The following CDH10 variants were observed in gnomAD, a reference collection of about 807,000 sequenced individuals.
CDH10 encodes cadherin 10.
In CDH10, 30 loss-of-function variants were observed where a neutral mutation model predicts 73.1. That is an observed-to-expected ratio of 0.41 (90% CI 0.31 to 0.56). CDH10 has a LOEUF of 0.56. Ranked by LOEUF, CDH10 falls within the 20% of genes least tolerant of loss-of-function variation. CDH10 has a pLI of 0.27. For synonymous variants in CDH10, 345 were observed against 348.2 expected (o/e 0.99, Z 0.10); for missense variants, 815 against 973.7 (o/e 0.84, Z 2.17).
chr5:24,538,534 C>T (rs1455063798), intron 2 of CDH10, among the ~76,000 whole-genome samples: 1 of 152,052 alleles, frequency 6.6e-6, no homozygotes. Flanking sequence ...TACACACCAT[C>T]CTAGTGCAAA....
intron 11 of CDH10, among the ~76,000 whole-genome samples, chr5:24,490,065 T>C (rs2111625709): frequency 6.6e-6 from 1 of 152,276 alleles, no homozygotes; most frequent in East Asian, 1.9e-4. Flanking sequence ...AAGGTTGTCA[T>C]GGCAAAGTGC....
intron 1 of CDH10, among the ~76,000 whole-genome samples, chr5:24,626,322 C>T (rs1047383809): frequency 6.6e-6 from 1 of 152,050 alleles, no homozygotes; most frequent in African/African-American, 2.4e-5. Context: ...TTCACCATTA[C>T]ATAATTTGAA....
chr5:24,570,343 G>A (rs1745331341), intron 2 of CDH10, among the ~76,000 whole-genome samples: 1 of 152,094 alleles, frequency 6.6e-6, no homozygotes, highest in Admixed American at 6.6e-5. Flanking sequence ...CGTTACTACA[G>A]TTGTACGAAA....
At chr5:24,585,516 A>C (rs577487828) in intron 2 of CDH10, among the ~76,000 whole-genome samples, 1 of 152,154 alleles carries the variant, frequency 6.6e-6, no homozygotes, top group African/African-American at 2.4e-5. Flanking sequence ...TCCGCCTCCC[A>C]GGTTCAAGCA....
At chr5:24,613,900 T>G (rs1193023807) in intron 1 of CDH10, among the ~76,000 whole-genome samples, 1 of 152,186 alleles carries the variant, frequency 6.6e-6, no homozygotes. Flanking sequence ...TAAATAAATG[T>G]TGAATGAAGC....
At chr5:24,619,456 GT>G (rs1747237514) in intron 1 of CDH10, among the ~76,000 whole-genome samples, 1 of 152,180 alleles carries the variant, frequency 6.6e-6, no homozygotes, top group Non-Finnish European at 1.5e-5. Context: ...GCCTCACAAA[GT>G]GCTGGGATTA....
At chr5:24,631,902 T>A (rs1325210762) in intron 1 of CDH10, among the ~76,000 whole-genome samples, 1 of 152,094 alleles carries the variant, frequency 6.6e-6, no homozygotes, top group Non-Finnish European at 1.5e-5. Flanking sequence ...GATCATTTTT[T>A]AAATACAGAT....
At chr5:24,556,296 T>C (rs954913029) in intron 2 of CDH10, among the ~76,000 whole-genome samples, 2 of 152,098 alleles carry the variant, frequency 1.3e-5, no homozygotes, top group Non-Finnish European at 2.9e-5. Context: ...ATTTTTTCTT[T>C]AGCTAGGAAA....
intron 5 of CDH10, among the ~76,000 whole-genome samples, chr5:24,529,017 C>A (rs1490251722): frequency 6.6e-6 from 1 of 151,810 alleles, no homozygotes; most frequent in African/African-American, 2.4e-5. Flanking sequence ...TTGCACCAAC[C>A]TAATACATTG....
intron 1 of CDH10, among the ~76,000 whole-genome samples, chr5:24,631,047 T>C (rs1407992016): frequency 1.3e-5 from 2 of 152,100 alleles, no homozygotes; most frequent in Non-Finnish European, 2.9e-5. Flanking sequence ...AAACTCTTAG[T>C]AGATCTGCCT....
chr5:24,597,711 C>A (rs1022650869), intron 1 of CDH10, among the ~76,000 whole-genome samples: 3 of 152,004 alleles, frequency 2.0e-5, no homozygotes, highest in Non-Finnish European at 2.9e-5. Flanking sequence ...ATACTTATCA[C>A]AAATATTATT....
chr5:24,501,906 T>C (rs1267031455), intron 8 of CDH10, among the ~76,000 whole-genome samples: 1 of 151,998 alleles, frequency 6.6e-6, no homozygotes, highest in Non-Finnish European at 1.5e-5. Context: ...TAATTTTAGA[T>C]GTTTTATTCT....
chr5:24,556,489 A>G (rs1744773246), intron 2 of CDH10, among the ~76,000 whole-genome samples: 1 of 151,926 alleles, frequency 6.6e-6, no homozygotes, highest in African/African-American at 2.4e-5. Context: ...GAATCTCAAA[A>G]TTCCAAAAAT....
At chr5:24,573,706 A>C (rs1171072167) in intron 2 of CDH10, among the ~76,000 whole-genome samples, 2 of 149,406 alleles carry the variant, frequency 1.3e-5, no homozygotes, top group Non-Finnish European at 3.0e-5. Context: ...ATCTCAAAAA[A>C]AAAAAAAAAG....
chr5:24,598,872 C>T (rs1746465737), intron 1 of CDH10, among the ~76,000 whole-genome samples: 1 of 152,092 alleles, frequency 6.6e-6, no homozygotes, highest in Non-Finnish European at 1.5e-5. Flanking sequence ...TACGTGCTAA[C>T]ATCTTTATGT....
intron 2 of CDH10, among the ~76,000 whole-genome samples, chr5:24,558,905 G>C (rs1744860746): frequency 6.6e-6 from 1 of 151,838 alleles, no homozygotes; most frequent in Non-Finnish European, 1.5e-5. Flanking sequence ...TCAAGATCCA[G>C]ATTTTTCTCT....
In CDH10 at chr5:24,509,308, T is replaced by C. The variant is rs569228494; in HGVS notation, c.1256+258A>G. Among the ~76,000 whole-genome samples the C allele has an allele frequency of 5.5e-5, 8 of 146,040 alleles. No homozygotes were observed. The South Asian group carries it at 1.6e-3, about 29-fold the overall frequency. ...AGGCTGGAATGCAATGGCACGATCT[T>C]GGCTCACTGCAACCTCTGCCTCCCG... On this transcript the variant is annotated intron_variant, in intron 7 of 11. Coordinates refer to ENST00000264463, the MANE Select transcript of CDH10 (RefSeq NM_006727.5).
At chr5:24,580,500 A>G (rs1745760497) in intron 2 of CDH10, among the ~76,000 whole-genome samples, 1 of 152,164 alleles carries the variant, frequency 6.6e-6, no homozygotes, top group South Asian at 2.1e-4. Context: ...GTAGAAAAAA[A>G]TGAGTTACTG....
intron 1 of CDH10, among the ~76,000 whole-genome samples, chr5:24,626,842 A>ATATATATAAGTGTATATATATGTG (rs1448181000): frequency 1.4e-5 from 2 of 146,648 alleles, no homozygotes; most frequent in South Asian, 2.2e-4. Flanking sequence ...ATAAGTGTAT[A>ATATATATAAGTGTATATATATGTG]TATATATAAG....
Sources: gnomAD v4.1 joint callset for allele counts (sites outside exome capture counted in the v4.1 genomes callset) on GRCh38, gnomAD v4.1.1 for gene constraint, MANE v1.5 for transcripts, NCBI Gene and HGNC (gene_info 2026-07-23, HGNC 2026-07-21) for gene names.